Variants in ASIC2 observed in about 807,000 individuals in gnomAD.
ASIC2 encodes acid sensing ion channel subunit 2, also known as acid-sensing ion channel 2.
A neutral mutation model predicts 57.3 loss-of-function variants in ASIC2; 25 were observed. That is an observed-to-expected ratio of 0.44 (90% CI 0.32 to 0.61). The LOEUF is 0.61. Ranked by LOEUF, ASIC2 falls within the 20% of genes least tolerant of loss-of-function variation. The pLI is 0.06. For missense variants in ASIC2, 641 were observed against 738.1 expected (o/e 0.87, Z 1.52); for synonymous variants, 319 against 307.5 (o/e 1.04, Z -0.39).
intron 1 of ASIC2, among the ~76,000 whole-genome samples, chr17:33,231,062 A>T (rs754084079): frequency 6.6e-6 from 1 of 152,168 alleles, no homozygotes; most frequent in Non-Finnish European, 1.5e-5. Context: ...AGCCTAAGAC[A>T]GGGCTCTCTT....
chr17:33,463,248 C>T (rs1021999909), intron 1 of ASIC2, among the ~76,000 whole-genome samples: 5 of 152,160 alleles, frequency 3.3e-5, no homozygotes, highest in African/African-American at 9.7e-5. Context: ...TAGTTTGACC[C>T]AGTATCTGTC....
intron 1 of ASIC2, among the ~76,000 whole-genome samples, chr17:34,088,422 C>A (rs1049733702): frequency 6.6e-6 from 1 of 152,132 alleles, no homozygotes; most frequent in African/African-American, 2.4e-5. Context: ...AGAGGAGTAC[C>A]CGGCCGTGTG....
chr17:33,934,310 G>A (rs1916011570), intron 1 of ASIC2, among the ~76,000 whole-genome samples: 1 of 152,212 alleles, frequency 6.6e-6, no homozygotes, highest in Admixed American at 6.5e-5. Flanking sequence ...CGGCCAGCCC[G>A]ACTTCTCTTC....
At chr17:34,149,085 C>A (rs1001706484) in intron 1 of ASIC2, among the ~76,000 whole-genome samples, 1 of 150,622 alleles carries the variant, frequency 6.6e-6, no homozygotes, top group Non-Finnish European at 1.5e-5. Flanking sequence ...TCTTTTCTTT[C>A]TTTTTTTCTT....
chr17:34,072,765 C>T (rs1371529139), intron 1 of ASIC2, among the ~76,000 whole-genome samples: 3 of 152,122 alleles, frequency 2.0e-5, no homozygotes, highest in African/African-American at 4.8e-5. Context: ...TTTTATATTC[C>T]TGAGAAACTC....
intron 1 of ASIC2, among the ~76,000 whole-genome samples, chr17:33,817,230 G>A (rs1262998036): frequency 6.6e-6 from 1 of 152,230 alleles, no homozygotes; most frequent in Non-Finnish European, 1.5e-5. Flanking sequence ...TGAGGCACTT[G>A]GGATTTAAAC....
intron 1 of ASIC2, among the ~76,000 whole-genome samples, chr17:33,695,605 A>G (rs1908500310): frequency 6.6e-6 from 1 of 152,244 alleles, no homozygotes; most frequent in Non-Finnish European, 1.5e-5. Context: ...GGGGCTTCCC[A>G]AGAGTGCTGC....
chr17:33,428,393 G>A (rs1020440986), intron 1 of ASIC2, among the ~76,000 whole-genome samples: 4 of 152,192 alleles, frequency 2.6e-5, no homozygotes, highest in Non-Finnish European at 5.9e-5. Context: ...AATCGAGTGA[G>A]TAAGTCAACA....
intron 1 of ASIC2, among the ~76,000 whole-genome samples, chr17:33,384,524 A>G (rs1909605237): frequency 6.6e-6 from 1 of 152,134 alleles, no homozygotes; most frequent in African/African-American, 2.4e-5. Context: ...TAAAATTCCA[A>G]GTTATGTCTG....
chr17:33,151,205 G>A (rs71362878), intron 1 of ASIC2, among the ~76,000 whole-genome samples: 36,698 of 145,204 alleles, frequency 0.25, 4,697 homozygotes, highest in Non-Finnish European at 0.3. Flanking sequence ...ACACACGCGC[G>A]CACACACACA....
At chr17:33,848,603 C>T (rs566416516) in intron 1 of ASIC2, among the ~76,000 whole-genome samples, 24 of 152,244 alleles carry the variant, frequency 1.6e-4, no homozygotes, top group African/African-American at 5.3e-4. Context: ...TGACTTGTCT[C>T]GTGATTTTAC....
intron 1 of ASIC2, chr17:33,936,101 G>A (rs1024557842): frequency 6.6e-6 from 1 of 152,240 alleles, no homozygotes; most frequent in African/African-American, 2.4e-5. Context: ...AGCACATGAA[G>A]AGCACAGGTT....
At chr17:33,505,699 C>A (rs968981458) in intron 1 of ASIC2, among the ~76,000 whole-genome samples, 15 of 152,208 alleles carry the variant, frequency 9.9e-5, no homozygotes, top group Admixed American at 5.9e-4. Context: ...ATCAAATCTT[C>A]TAGCCTCCTA....
intron 4 of ASIC2, 66 bp downstream of exon 4, chr17:33,028,176 T>A: frequency 6.4e-7 from 1 of 1,566,430 alleles, no homozygotes; most frequent in Non-Finnish European, 8.7e-7. Flanking sequence ...CCCATTAGGA[T>A]GAGAAATGCA....
At chr17:33,658,625 C>T (rs372863570) in intron 1 of ASIC2, among the ~76,000 whole-genome samples, 7 of 152,254 alleles carry the variant, frequency 4.6e-5, no homozygotes, top group South Asian at 2.1e-4. Context: ...TGTCTGCACA[C>T]GGTGGAAGGG....
At chr17:33,488,730 C>T (rs574677140) in intron 1 of ASIC2, among the ~76,000 whole-genome samples, 1 of 152,152 alleles carries the variant, frequency 6.6e-6, no homozygotes, top group Non-Finnish European at 1.5e-5. Flanking sequence ...TCACCCTGAG[C>T]CTTTAGCTCA....
intron 1 of ASIC2, among the ~76,000 whole-genome samples, chr17:33,514,661 C>T (rs1914515798): frequency 6.6e-6 from 1 of 152,168 alleles, no homozygotes; most frequent in East Asian, 1.9e-4. Context: ...AATGGGATCC[C>T]ATACCATTAC....
At chr17:33,273,258 G>C (rs998688643) in intron 1 of ASIC2, among the ~76,000 whole-genome samples, 1 of 152,230 alleles carries the variant, frequency 6.6e-6, no homozygotes, top group African/African-American at 2.4e-5. Flanking sequence ...TTTACTGCGT[G>C]AGCTTACAAG....
chr17:33,921,166 A>G (rs1283161511), intron 1 of ASIC2, among the ~76,000 whole-genome samples: 1 of 152,200 alleles, frequency 6.6e-6, no homozygotes, highest in Non-Finnish European at 1.5e-5. Context: ...GGTTGATAGC[A>G]TGAAGTCAGA....
Sources: gnomAD v4.1 joint callset for allele counts (sites outside exome capture counted in the v4.1 genomes callset) on GRCh38, gnomAD v4.1.1 for gene constraint, MANE v1.5 for transcripts, NCBI Gene and HGNC (gene_info 2026-07-23, HGNC 2026-07-21) for gene names.